PHEX: variants seen among roughly 807,000 people sequenced by gnomAD.
PHEX encodes the protein phosphate regulating endopeptidase X-linked.
Under a neutral mutation model 68.0 loss-of-function variants are expected in PHEX, and 16 were observed. The ratio of observed to expected loss-of-function variants is 0.24; its 90% CI spans 0.16 to 0.36. PHEX has a LOEUF of 0.36. PHEX is among the 10% of genes least tolerant of loss of function. The pLI, the probability that PHEX is intolerant of heterozygous loss-of-function variation, is 1.00. For synonymous variants in PHEX, 208 were observed against 205.1 expected (o/e 1.01, Z -0.12); for missense variants, 480 against 575.5 (o/e 0.83, Z 1.70).
At chrX:22,117,469 C>T (rs181238379) in intron 11 of PHEX, among the ~76,000 whole-genome samples, 8 of 111,565 alleles carry the variant, frequency 7.2e-5, no homozygotes, top group Admixed American at 1.9e-4. Flanking sequence ...ATTCTCATTG[C>T]GTGTTTTCTT....
chrX:22,094,452 T>G (rs1294152171), intron 7 of PHEX, among the ~76,000 whole-genome samples: 1 of 112,259 alleles, frequency 8.9e-6, no homozygotes, highest in Non-Finnish European at 1.9e-5. Context: ...GATAGATGTT[T>G]AATAAATCCT....
At position 22,213,516 on chromosome X, in the gene PHEX, C is replaced by A. The variant is rs1380789023; in HGVS notation, c.1700+558C>A. Among the ~76,000 whole-genome samples the A allele has an allele frequency of 2.7e-5, 3 of 111,749 alleles. No homozygotes were observed. In the East Asian group the frequency reaches 8.3e-4, roughly 31 times the overall value. ...ATCGAATTTATCTTTAGAAATATAACCTGTGTAGCTACAGAATAAGTCAAA... is the reference window on the plus strand; with the variant it reads ...ATCGAATTTATCTTTAGAAATATAAACTGTGTAGCTACAGAATAAGTCAAA... On this transcript the variant is annotated intron_variant, in intron 16 of 21. Transcript: ENST00000379374.
chrX:22,045,261 T>C (rs1326323095), intron 2 of PHEX, among the ~76,000 whole-genome samples: 5 of 111,860 alleles, frequency 4.5e-5, no homozygotes, highest in African/African-American at 1.6e-4. Flanking sequence ...ATTGTACTTT[T>C]TTGGGGCAGT....
At position 22,249,208 on chromosome X, in the gene PHEX, C is replaced by CGCGTGTGTGT. The variant is rs1936481757; in HGVS notation, c.*1256_*1257insCGTGTGTGTG. ...AGTGAACTCCTTTCTTATTACTGAG[C>CGCGTGTGTGT]GTGTGTGTGTGTGTGTGTGTGTGTG... On this transcript the variant is annotated 3_prime_UTR_variant, in exon 22 of 22. Coordinates refer to ENST00000379374, the MANE Select transcript of PHEX (RefSeq NM_000444.6). 2.3e-5 allele frequency: 2 copies of CGCGTGTGTGT among 86,058 alleles called. No homozygotes were observed. The highest frequency in any genetic ancestry group is 4.9e-5 in the African/African-American group (1 of 20,401). 7.1% of individuals were successfully genotyped at this position (86,058 alleles called of 1,213,427 possible).
chrX:22,214,031 A>G (rs1270402649), intron 16 of PHEX, among the ~76,000 whole-genome samples: 4 of 112,155 alleles, frequency 3.6e-5, no homozygotes, highest in Non-Finnish European at 7.5e-5. Flanking sequence ...ATGAATTACT[A>G]CAAACTTAGT....
intron 11 of PHEX, among the ~76,000 whole-genome samples, chrX:22,121,538 G>A (rs1030404127): frequency 2.7e-5 from 3 of 112,000 alleles, no homozygotes; most frequent in African/African-American, 9.7e-5. Flanking sequence ...CTAAACTTTG[G>A]TCAAGGAGAG....
chrX:22,151,224 A>C lies in PHEX; in HGVS notation c.1405-17088A>C, dbSNP rs774156096. On this transcript the variant is annotated intron_variant, in intron 12 of 21. Transcript: ENST00000379374. The stretch of plus-strand genomic sequence containing the variant: ...GCTGATAATATATTCTAATAAGTAG[A>C]TAATACAGAACCAAGTTGTCAGAGT... 3.6e-5 allele frequency among the ~76,000 whole-genome samples: 4 copies of C among 112,083 alleles called. No individual in the cohort carries two copies. The South Asian group carries it at 1.5e-3, about 42-fold the overall frequency.
chrX:22,052,246 T>C (rs749699654), intron 3 of PHEX, among the ~76,000 whole-genome samples: 3 of 112,472 alleles, frequency 2.7e-5, no homozygotes, highest in Admixed American at 1.9e-4. Flanking sequence ...TATTTATTTA[T>C]GACAGAGCCT....
Position 22,142,922 on chromosome X carries a change from C to A in PHEX, c.1404+9298C>A, listed in dbSNP as rs769711129. 1.6e-4 allele frequency among the ~76,000 whole-genome samples: 18 copies of A among 112,456 alleles called. 1 individual carries two copies. The highest frequency in any genetic ancestry group is 3.0e-4 in the Non-Finnish European group (16 of 53,282). ...AAAGCTTCACTGGGTTCTCATTTTTCTGAAGTTCCATGTTACCTAAGTGCA... is the reference window on the plus strand; with the variant it reads ...AAAGCTTCACTGGGTTCTCATTTTTATGAAGTTCCATGTTACCTAAGTGCA... On this transcript the variant is annotated intron_variant, in intron 12 of 21. Coordinates refer to ENST00000379374, the MANE Select transcript of PHEX (RefSeq NM_000444.6).
chrX:22,111,146 G>A (rs546469925), intron 9 of PHEX, among the ~76,000 whole-genome samples: 1 of 112,125 alleles, frequency 8.9e-6, no homozygotes, highest in Non-Finnish European at 1.9e-5. Flanking sequence ...TAATTTGAAG[G>A]TACTCACAAT....
intron 13 of PHEX, among the ~76,000 whole-genome samples, chrX:22,176,799 C>A (rs918553240): frequency 1.8e-5 from 2 of 111,420 alleles, no homozygotes; most frequent in African/African-American, 3.3e-5. Context: ...ACCTTATTCA[C>A]TCTGCATAAT....
intron 15 of PHEX, 49 bp downstream of exon 15, chrX:22,190,551 G>T (rs1213030035): frequency 3.6e-6 from 3 of 843,435 alleles, no homozygotes; most frequent in African/African-American, 2.0e-5. Context: ...AAAATGCAAA[G>T]AACTTTTCCA....
At position 22,038,482 on chromosome X, in the gene PHEX, C is replaced by G. The variant is rs778468346; in HGVS notation, c.132C>G (p.Leu44=). The part of the protein sequence containing the change: ...GTILFLVSQG[L]LSLQAKQEYC... ...CTGTTTTTTCAGTGAGTCAAGGTCT[C>G]TTAAGTCTCCAAGCTAAACAGGAGT... The change falls in exon 2 of 22, where the codon CTC becomes CTG. Residue 44 remains leucine (L), a synonymous_variant. Coordinates refer to ENST00000379374, the MANE Select transcript of PHEX (RefSeq NM_000444.6). The G allele has an allele frequency of 8.4e-7, 1 of 1,195,723 alleles. No individual in the cohort carries two copies. Among genetic ancestry groups the G allele is most frequent in the Admixed American group, 2.2e-5 (1 of 45,648 alleles).
chrX:22,218,867 T>C (rs1025083045), intron 16 of PHEX, among the ~76,000 whole-genome samples, 169 bp from the exon 17 acceptor site: 1 of 112,461 alleles, frequency 8.9e-6, no homozygotes, highest in African/African-American at 3.2e-5. Flanking sequence ...TCTATTTCAA[T>C]TGGAAGGTAT....
At chrX:22,043,114 A>G (rs1327235493) in intron 2 of PHEX, among the ~76,000 whole-genome samples, 2 of 112,783 alleles carry the variant, frequency 1.8e-5, no homozygotes, top group Non-Finnish European at 3.7e-5. Context: ...GTTATATGCA[A>G]TGTATTTATT....
At position 22,168,399 on chromosome X, in the gene PHEX, AAATT is replaced by A; in HGVS notation, c.1482+11_1482+14del. On this transcript the variant is annotated intron_variant, in intron 13 of 21. Coordinates refer to ENST00000379374, the MANE Select transcript of PHEX (RefSeq NM_000444.6). ...TGAAGACCTCAAAGCTGTAAGTGCT[AAATT>A]TACTGTACTTTTTTTTTTCTGGCAA... The A allele has an allele frequency of 9.1e-7, 1 of 1,099,035 alleles. No homozygotes were observed. Among genetic ancestry groups the A allele is most frequent in the African/African-American group, 1.8e-5 (1 of 55,748 alleles). The allele number at this position is 1,099,035 out of a possible 1,213,427, so 90.6% of individuals were successfully genotyped here.
chrX:22,166,270 C>A (rs767169971), intron 12 of PHEX, among the ~76,000 whole-genome samples: 54 of 111,575 alleles, frequency 4.8e-4, no homozygotes, highest in Non-Finnish European at 1.5e-4. Context: ...CCTTTTATTC[C>A]CATGCTAAAC....
chrX:22,085,252 A>G (rs771925901), intron 5 of PHEX, among the ~76,000 whole-genome samples: 48 of 110,767 alleles, frequency 4.3e-4, no homozygotes, highest in Non-Finnish European at 7.0e-4. Context: ...TCATTGACCC[A>G]TTGGTCATTC....
At chrX:22,074,130 G>A (rs1370003765) in intron 3 of PHEX, among the ~76,000 whole-genome samples, 1 of 110,791 alleles carries the variant, frequency 9.0e-6, no homozygotes, top group African/African-American at 3.3e-5. Context: ...ATTACCTGTG[G>A]TACGCAGGCT....
Sources: gnomAD v4.1 joint callset for allele counts (sites outside exome capture counted in the v4.1 genomes callset) on GRCh38, gnomAD v4.1.1 for gene constraint, MANE v1.5 for transcripts, NCBI Gene and HGNC (gene_info 2026-07-23, HGNC 2026-07-21) for gene names.